BICD2: variants seen among roughly 807,000 people sequenced by gnomAD.
BICD2 encodes BICD cargo adaptor 2.
BICD2 carries 25 observed loss-of-function variants against 72.9 expected under a neutral mutation model. The observed-to-expected ratio is 0.34, with a 90% CI of 0.25 to 0.48. The LOEUF (loss-of-function observed/expected upper bound fraction) is 0.48, where lower values mean the gene tolerates loss of function less well. Among genes scored for constraint, BICD2 ranks in the 20% least tolerant of loss-of-function variants. BICD2 has a pLI of 0.99. For missense variants in BICD2, 894 were observed against 1,175.2 expected (o/e 0.76, Z 3.50); for synonymous variants, 501 against 516.1 (o/e 0.97, Z 0.40).
intron 1 of BICD2, among the ~76,000 whole-genome samples, chr9:92,760,605 G>A (rs1854352815): frequency 6.6e-6 from 1 of 152,190 alleles, no homozygotes; most frequent in Non-Finnish European, 1.5e-5. Context: ...CCAGCGGGGA[G>A]AGAATTGCCC....
chr9:92,739,410 G>C (rs1160756276), intron 1 of BICD2, among the ~76,000 whole-genome samples: 1 of 152,202 alleles, frequency 6.6e-6, no homozygotes. Context: ...GGGAATCACA[G>C]GATGATAAAA....
chr9:92,741,713 T>C (rs1438420037), intron 1 of BICD2, among the ~76,000 whole-genome samples: 3 of 152,230 alleles, frequency 2.0e-5, no homozygotes, highest in Non-Finnish European at 4.4e-5. Flanking sequence ...TAAATGAAGA[T>C]GCATTTGAGT....
At chr9:92,745,250 G>C (rs1019039576) in intron 1 of BICD2, among the ~76,000 whole-genome samples, 1 of 152,138 alleles carries the variant, frequency 6.6e-6, no homozygotes, top group South Asian at 2.1e-4. Flanking sequence ...AGCAGAAACA[G>C]AGTCGCAGGG....
intron 1 of BICD2, among the ~76,000 whole-genome samples, chr9:92,743,915 A>G (rs909247903): frequency 1.3e-5 from 2 of 152,218 alleles, no homozygotes; most frequent in African/African-American, 4.8e-5. Flanking sequence ...GGGGAATGCA[A>G]CTTACACCAG....
At chr9:92,727,221 C>T (rs1170896866) in intron 2 of BICD2, among the ~76,000 whole-genome samples, 3 of 152,186 alleles carry the variant, frequency 2.0e-5, no homozygotes, top group Non-Finnish European at 2.9e-5. Flanking sequence ...GGGCAGCATC[C>T]TTCAGTACTG....
rs2131501523 is a variant in BICD2 at position 92,719,659 on chromosome 9, T to C, written c.1063-77A>G. 4 of 1,429,218 alleles carry C rather than the reference T, an allele frequency of 2.8e-6. No homozygotes were observed. The South Asian group carries it at 4.2e-5, about 15-fold the overall frequency. 88.5% of individuals were successfully genotyped at this position (1,429,218 alleles called of 1,614,324 possible). A position where few individuals can be genotyped will look rare whatever the true frequency, so the allele number is the denominator to read the frequency against. On this transcript the variant is annotated intron_variant, in intron 4 of 6. Transcript: ENST00000356884. ...AGCTTGGAGGACCCCCAAGATGGCC[T>C]AGTGACATCCCACCCCATGTCAGGG...
intron 5 of BICD2, 57 bp from the exon 6 acceptor site, chr9:92,718,005 G>A: frequency 4.5e-6 from 7 of 1,559,802 alleles, no homozygotes; most frequent in Non-Finnish European, 6.1e-6. Flanking sequence ...GCCTAGAGGT[G>A]CTCTGGGAGC....
chr9:92,743,802 A>G (rs1249605653), intron 1 of BICD2, among the ~76,000 whole-genome samples: 1 of 152,198 alleles, frequency 6.6e-6, no homozygotes, highest in Non-Finnish European at 1.5e-5. Flanking sequence ...CACGTACATG[A>G]GAAAAAGACA....
chr9:92,723,933 A>G (rs1379809137), intron 2 of BICD2, among the ~76,000 whole-genome samples: 5 of 152,194 alleles, frequency 3.3e-5, no homozygotes, highest in Non-Finnish European at 5.9e-5. Context: ...TCATATGTCT[A>G]GCAGCTCCCT....
intron 2 of BICD2, among the ~76,000 whole-genome samples, chr9:92,727,369 T>C (rs1203800312): frequency 6.6e-6 from 1 of 152,182 alleles, no homozygotes; most frequent in Non-Finnish European, 1.5e-5. Flanking sequence ...GCTCCCACAA[T>C]GTGGGGTGAA....
intron 1 of BICD2, among the ~76,000 whole-genome samples, chr9:92,743,104 A>G (rs1853930559): frequency 6.6e-6 from 1 of 152,202 alleles, no homozygotes; most frequent in African/African-American, 2.4e-5. Context: ...GCAACATAGG[A>G]GGATTCCAAT....
Position 92,720,678 on chromosome 9 carries a change from A to T in BICD2, c.684T>A (p.Asp228Glu), listed in dbSNP as rs762107122. ...ETEYLNSQLE[D>E]AIRLKEISER... ...CTGAGATCTCCTTGAGGCGGATGGC[A>T]TCCTCCAGCTGGCTGTTGAGGTACT... The change falls in exon 4 of 7, where the codon GAT (aspartate) becomes GAA (glutamate). Residue 228 changes from aspartate (D) to glutamate (E), a missense_variant. Asp to Glu is a conservative substitution (Grantham distance 45). Transcript: ENST00000356884. This position sits in a 1 kb window ranked among gnomAD's most constrained non-coding sequence, Gnocchi z 5.4. The T allele has an allele frequency of 6.2e-7, 1 of 1,614,138 alleles. No individual in the cohort carries two copies. The highest frequency in any genetic ancestry group is 2.2e-5 in the East Asian group (1 of 44,880).
intron 2 of BICD2, among the ~76,000 whole-genome samples, chr9:92,724,690 G>T (rs1234100990): frequency 6.6e-6 from 1 of 152,140 alleles, no homozygotes; most frequent in Non-Finnish European, 1.5e-5. Flanking sequence ...GTGGCTACAC[G>T]GGGGGTGGAT....
At position 92,729,125 on chromosome 9, in the gene BICD2, C is replaced by T; in HGVS notation, c.352G>A (p.Val118Met). ...ASKEQYYVRK[V>M]LELQTELKQL... ...TTCAGCTCCGTCTGCAGCTCTAGCACCTTCCGCACGTAGTACTGCTCCTTG... is the reference window on the plus strand; with the variant it reads ...TTCAGCTCCGTCTGCAGCTCTAGCATCTTCCGCACGTAGTACTGCTCCTTG... Residue 118 changes from valine to methionine, a missense_variant, in exon 2 of 7, where the codon GTG (valine) becomes ATG (methionine). Coordinates refer to ENST00000356884, the MANE Select transcript of BICD2 (RefSeq NM_001003800.2). The T allele has an allele frequency of 6.2e-7, 1 of 1,614,264 alleles. No homozygotes were observed. The highest frequency in any genetic ancestry group is 8.5e-7 in the Non-Finnish European group (1 of 1,180,044).
Position 92,717,788 on chromosome 9 carries a change from C to T in BICD2, c.2258+9G>A. On this transcript the variant is annotated intron_variant, in intron 6 of 6. Coordinates refer to ENST00000356884, the MANE Select transcript of BICD2 (RefSeq NM_001003800.2). The stretch of plus-strand genomic sequence containing the variant: ...GTGGAAGGGGAGGGCCCGACAGCAG[C>T]ACGGTTACCTGGTGGCAAACATAGC... The T allele has an allele frequency of 6.2e-7, 1 of 1,603,420 alleles. No homozygotes were observed. The highest frequency in any genetic ancestry group is 8.5e-7 in the Non-Finnish European group (1 of 1,175,166).
rs776475570 is a variant in BICD2, at chr9:92,722,761, G to T, written c.501C>A (p.Ile167=). ...EIQRGRLRDD[I]KEYKFREARL... Reference sequence around the variant, plus strand: ...GAGCTTCCCGGAATTTGTACTCCTTGATGTCATCCCGCAGGCGGCCACGCT... The same window carrying T: ...GAGCTTCCCGGAATTTGTACTCCTTTATGTCATCCCGCAGGCGGCCACGCT... The change falls in exon 3 of 7, where the codon ATC becomes ATA. Residue 167 remains isoleucine (I), a synonymous_variant. Coordinates refer to ENST00000356884, the MANE Select transcript of BICD2 (RefSeq NM_001003800.2). The T allele has an allele frequency of 1.2e-6, 2 of 1,614,146 alleles. No homozygotes were observed. The highest frequency in any genetic ancestry group is 3.3e-5 in the Admixed American group (2 of 60,024).
chr9:92,726,102 T>G (rs186348908), intron 2 of BICD2, among the ~76,000 whole-genome samples: 1 of 152,102 alleles, frequency 6.6e-6, no homozygotes, highest in African/African-American at 2.4e-5. Context: ...ACACAGCGGT[T>G]AGAGTCAGGA....
rs748281611 is a variant in BICD2 at position 92,718,880 on chromosome 9, C to T, written c.1765G>A (p.Gly589Arg). The stretch of plus-strand genomic sequence containing the variant: ...CGGCCCGCCTCAGGAGCCAGCAGCC[C>T]CTTGGGTAGGAGGATGGGTGAGCGC... ...GRRSPILLPK[G>R]LLAPEAGRAD... Residue 589 changes from glycine to arginine, a missense_variant, in exon 5 of 7, where the codon GGG becomes AGG. Physicochemically the swap from Gly to Arg is moderately radical, Grantham distance 125. Around this residue, in one of 5 missense-constraint regions of BICD2, gnomAD observed 321 missense variants for 443.9 expected, o/e 0.72. Transcript: ENST00000356884. 1 of 1,602,176 alleles carries T rather than the reference C, an allele frequency of 6.2e-7. No individual in the cohort carries two copies. Among genetic ancestry groups the T allele is most frequent in the South Asian group, 1.1e-5 (1 of 90,376 alleles).
chr9:92,725,456 C>T (rs1437662739), intron 2 of BICD2, among the ~76,000 whole-genome samples: 1 of 152,280 alleles, frequency 6.6e-6, no homozygotes, highest in Non-Finnish European at 1.5e-5. Flanking sequence ...CTCCATCCAG[C>T]ACACGGCCAA....
Sources: gnomAD v4.1 joint callset for allele counts (sites outside exome capture counted in the v4.1 genomes callset) on GRCh38, gnomAD v4.1.1 for gene constraint, gnomAD v4.1.1 regional missense constraint, Gnocchi (gnomAD v3.1) non-coding constraint, MANE v1.5 for transcripts, NCBI Gene and HGNC (gene_info 2026-07-23, HGNC 2026-07-21) for gene names.